TBL1X: variants seen among roughly 807,000 people sequenced by gnomAD.
The protein encoded by TBL1X is F-box-like/WD repeat-containing protein TBL1X.
Under a neutral mutation model 50.7 loss-of-function variants are expected in TBL1X, and 10 were observed. The ratio of observed to expected loss-of-function variants is 0.20; its 90% CI spans 0.12 to 0.33. The LOEUF (loss-of-function observed/expected upper bound fraction) is 0.33, where lower values mean the gene tolerates loss of function less well. Among genes scored for constraint, TBL1X ranks in the 10% least tolerant of loss-of-function variants. TBL1X has a pLI of 1.00. For missense variants in TBL1X, 340 were observed against 504.4 expected, an observed-to-expected ratio of 0.67 and a Z score of 3.12; for synonymous variants, 190 against 214.7, an observed-to-expected ratio of 0.88 and a Z score of 1.01.
chrX:9,715,893 C>T (rs1434258724), intron 17 of TBL1X, among the ~76,000 whole-genome samples: 2 of 112,293 alleles, frequency 1.8e-5, no homozygotes, highest in Non-Finnish European at 3.8e-5. Context: ...TTGTCAGAGG[C>T]TGTGTACTTG....
intron 5 of TBL1X, among the ~76,000 whole-genome samples, chrX:9,661,229 C>T (rs1436584511): frequency 8.9e-6 from 1 of 112,739 alleles, no homozygotes; most frequent in Non-Finnish European, 1.9e-5. Context: ...TTTCGTGAAG[C>T]TTCCATGCCA....
At chrX:9,540,954 C>T (rs1271382903) in intron 2 of TBL1X, among the ~76,000 whole-genome samples, 1 of 111,912 alleles carries the variant, frequency 8.9e-6, no homozygotes, top group African/African-American at 3.3e-5. Flanking sequence ...CAGTTTCCAA[C>T]TCAACCTCTC....
intron 3 of TBL1X, among the ~76,000 whole-genome samples, chrX:9,648,033 A>G (rs1686032030): frequency 9.0e-6 from 1 of 111,494 alleles, no homozygotes; most frequent in Non-Finnish European, 1.9e-5. Context: ...ATAAGGAAAC[A>G]GCCATATAAC....
intron 7 of TBL1X, among the ~76,000 whole-genome samples, chrX:9,689,423 C>T (rs777393058): frequency 5.3e-5 from 6 of 112,247 alleles, no homozygotes; most frequent in Non-Finnish European, 1.1e-4. Context: ...AATAACGTTT[C>T]TATTGCAATA....
intron 1 of TBL1X, among the ~76,000 whole-genome samples, chrX:9,482,718 A>G (rs1351293046): frequency 9.1e-6 from 1 of 110,420 alleles, no homozygotes; most frequent in African/African-American, 3.3e-5. Context: ...TTCTATCTCT[A>G]TAGCCAGCAC....
intron 2 of TBL1X, among the ~76,000 whole-genome samples, chrX:9,585,373 A>G (rs961632382): frequency 4.6e-5 from 4 of 86,186 alleles, no homozygotes; most frequent in Admixed American, 1.5e-4. Flanking sequence ...AGAAATGCAG[A>G]TCACAGGCCG....
At chrX:9,477,768 A>G (rs1025962224) in intron 1 of TBL1X, among the ~76,000 whole-genome samples, 1 of 111,447 alleles carries the variant, frequency 9.0e-6, no homozygotes, top group Non-Finnish European at 1.9e-5. Flanking sequence ...GATCACCATG[A>G]TGCAGTTTTA....
At chrX:9,501,146 C>G (rs2081999319) in intron 1 of TBL1X, among the ~76,000 whole-genome samples, 1 of 111,912 alleles carries the variant, frequency 8.9e-6, no homozygotes, top group African/African-American at 3.3e-5. Context: ...GAGGAGACCT[C>G]ATAGCATAAG....
At chrX:9,576,599 A>G (rs746552733) in intron 2 of TBL1X, among the ~76,000 whole-genome samples, 1 of 109,437 alleles carries the variant, frequency 9.1e-6, no homozygotes, top group Non-Finnish European at 1.9e-5. Context: ...CTTCCTGTTT[A>G]AAAAAATTAC....
chrX:9,556,284 G>T (rs1018585703), intron 2 of TBL1X, among the ~76,000 whole-genome samples: 37 of 111,078 alleles, frequency 3.3e-4, no homozygotes, highest in African/African-American at 1.1e-3. Context: ...AGTGGTGGGG[G>T]AGAAGGTGGA....
At chrX:9,479,507 A>G (rs757091953) in intron 1 of TBL1X, among the ~76,000 whole-genome samples, 1 of 112,739 alleles carries the variant, frequency 8.9e-6, no homozygotes, top group Non-Finnish European at 1.9e-5. Context: ...TGTCAGAAAA[A>G]TGGAAACTTT....
chrX:9,480,301 A>G, intron 1 of TBL1X, among the ~76,000 whole-genome samples: 1 of 112,040 alleles, frequency 8.9e-6, no homozygotes, highest in Admixed American at 9.5e-5. Context: ...GCATGGGAAT[A>G]TGGTTTTTGT....
chrX:9,572,336 C>T (rs757094893), intron 2 of TBL1X, among the ~76,000 whole-genome samples: 1 of 112,900 alleles, frequency 8.9e-6, no homozygotes, highest in Non-Finnish European at 1.9e-5. Context: ...TAGCTTCTCC[C>T]GAGCTTCCTG....
intron 2 of TBL1X, among the ~76,000 whole-genome samples, chrX:9,537,293 GC>G (rs1330935416): frequency 9.2e-6 from 1 of 109,227 alleles, no homozygotes; most frequent in African/African-American, 3.4e-5. Flanking sequence ...TCTCTCTACT[GC>G]CCCCCGCCCC....
At chrX:9,569,459 G>A (rs1257475066) in intron 2 of TBL1X, among the ~76,000 whole-genome samples, 3 of 112,065 alleles carry the variant, frequency 2.7e-5, no homozygotes, top group Non-Finnish European at 5.6e-5. Flanking sequence ...TGTGTTACAT[G>A]TCCTGAGCTC....
chrX:9,547,227 C>T (rs2082248950), intron 2 of TBL1X, among the ~76,000 whole-genome samples: 1 of 111,744 alleles, frequency 8.9e-6, no homozygotes, highest in Non-Finnish European at 1.9e-5. Flanking sequence ...AGGCTGGGCA[C>T]TGTGTTCTTC....
At chrX:9,624,180 A>C (rs757784893) in intron 2 of TBL1X, among the ~76,000 whole-genome samples, 1 of 112,489 alleles carries the variant, frequency 8.9e-6, no homozygotes, top group African/African-American at 3.2e-5. Context: ...TTCTATTTTT[A>C]ATCTGTGATA....
At chrX:9,681,169 C>T (rs1288594180) in intron 5 of TBL1X, among the ~76,000 whole-genome samples, 4 of 112,003 alleles carry the variant, frequency 3.6e-5, no homozygotes, top group Admixed American at 1.9e-4. Flanking sequence ...CTTTGCACAC[C>T]GTTCTTTGTG....
At chrX:9,714,854 G>T in intron 16 of TBL1X, 48 bp from the exon 17 acceptor site, 1 of 1,143,431 alleles carries the variant, frequency 8.7e-7, no homozygotes, top group Non-Finnish European at 1.2e-6. Flanking sequence ...ACCTGCATCT[G>T]TCGCAGGCGC....
Sources: allele counts gnomAD v4.1 joint callset (sites outside exome capture counted in the v4.1 genomes callset), GRCh38; gene constraint gnomAD v4.1.1; transcripts MANE v1.5; gene names NCBI Gene and HGNC (gene_info 2026-07-23, HGNC 2026-07-21).